Variants in JSRP1 observed in about 807,000 individuals in gnomAD.
The protein encoded by JSRP1 is junctional sarcoplasmic reticulum protein 1, also known as 2310032K21Rik.
A neutral mutation model predicts 21.4 loss-of-function variants in JSRP1; 29 were observed. The observed-to-expected ratio is 1.36, with a 90% confidence interval of 1.01 to 1.85. JSRP1 has a LOEUF of 1.85. JSRP1 is among the 40% of genes most tolerant of loss of function. The pLI, the probability that JSRP1 is intolerant of heterozygous loss-of-function variation, is 0.00. For missense variants in JSRP1, 531 were observed against 461.5 expected (o/e 1.15, Z -1.38); for synonymous variants, 221 against 206.1 (o/e 1.07, Z -0.62).
intron 5 of JSRP1, among the ~76,000 whole-genome samples, chr19:2,253,337 A>T (rs1254129578): frequency 6.6e-6 from 1 of 152,238 alleles, no homozygotes; most frequent in Non-Finnish European, 1.5e-5. Context: ...GAAAGGCGGC[A>T]GAACGCTACG....
At chr19:2,254,958 A>G (rs1479606073) in intron 2 of JSRP1, among the ~76,000 whole-genome samples, 2 of 152,102 alleles carry the variant, frequency 1.3e-5, no homozygotes, top group Admixed American at 6.6e-5. Context: ...AGCTTTGCCC[A>G]AAGACACCCA....
intron 4 of JSRP1, 25 bp downstream of exon 4, chr19:2,254,162 T>C: frequency 6.4e-7 from 1 of 1,550,918 alleles, no homozygotes; most frequent in Non-Finnish European, 8.8e-7. Context: ...ACCCCACACC[T>C]CACCCATGCC....
rs2025097174 is a variant in JSRP1 at position 2,253,570 on chromosome 19, C to A, written c.436+50G>T. ...CAGCGCCTTTCCTTGGAGGAATAGG[C>A]GCACAGGTGGACCCCAGCCTCGCCC... On this transcript the variant is annotated intron_variant, in intron 5 of 6. Coordinates refer to ENST00000300961, the MANE Select transcript of JSRP1 (RefSeq NM_144616.4). The A allele has an allele frequency of 5.0e-6, 7 of 1,387,236 alleles. No individual in the cohort carries two copies. The East Asian group carries it at 1.5e-4, about 29-fold the overall frequency. 85.9% of individuals were successfully genotyped at this position (1,387,236 alleles called of 1,614,324 possible).
In JSRP1 at chr19:2,254,188, C is replaced by A; in HGVS notation, c.261G>T (p.Ala87=). The change falls in exon 4 of 7, where the codon GCG becomes GCT. Residue 87 remains alanine, a splice_region_variant and synonymous_variant. Coordinates refer to ENST00000300961, the MANE Select transcript of JSRP1 (RefSeq NM_144616.4). ...CACCCATGCCTCCTGCAAACCCACT[C>A]GCTCCGGCTTTCAGCCTCTCCTTCC... ...GTGKERLKAG[A]SPRSVPARKK... The A allele has an allele frequency of 6.3e-7, 1 of 1,599,628 alleles. No individual in the cohort carries two copies.
At chr19:2,253,064 C>T in intron 5 of JSRP1, 61 bp from the exon 6 acceptor site, 1 of 1,159,576 alleles carries the variant, frequency 8.6e-7, no homozygotes, top group Non-Finnish European at 1.3e-6. Context: ...CACTGTCCAT[C>T]CCTCCCTCAC....
chr19:2,253,828 T>C (rs978805691), intron 4 of JSRP1, 35 bp from the exon 5 acceptor site: 7 of 1,368,242 alleles, frequency 5.1e-6, no homozygotes, highest in African/African-American at 4.6e-5. Context: ...CTGTGGTCAC[T>C]GGCTCTGTGC....
chr19:2,252,959 G>A lies in JSRP1; in HGVS notation c.481C>T (p.Pro161Ser), dbSNP rs750663047. The change falls in exon 6 of 7, where the codon CCC becomes TCC. Residue 161 changes from proline (P) to serine (S), a missense_variant. Pro to Ser is a moderately conservative substitution (Grantham distance 74). Transcript: ENST00000300961. ...GGGGCTGAGCTTGGCGGGACCCAGG[G>A]CTCGGGCACACGTGCTTGGAGTGCT... ...EAALQARVPE[P>S]WVPPSSAPRE... The A allele has an allele frequency of 5.0e-6, 8 of 1,609,618 alleles. No homozygotes were observed. In the African/African-American group the frequency reaches 5.3e-5, roughly 11 times the overall value.
At chr19:2,254,143 T>A in intron 4 of JSRP1, 44 bp downstream of exon 4, 1 of 1,442,588 alleles carries the variant, frequency 6.9e-7, no homozygotes, top group Non-Finnish European at 9.4e-7. Flanking sequence ...CTCACACCAG[T>A]CCGTTCCCAC....
At position 2,252,911 on chromosome 19, in the gene JSRP1, C is replaced by T; in HGVS notation, c.528+1G>A. Reference sequence around the variant, plus strand: ...CGCGGTCAGTGGAAGGAAGCTCTTACCAGGGGCGACGATGGCTCCCTCGGG... The same window carrying T: ...CGCGGTCAGTGGAAGGAAGCTCTTATCAGGGGCGACGATGGCTCCCTCGGG... On this transcript the variant is annotated splice_donor_variant, in intron 6 of 6. Coordinates refer to ENST00000300961, the MANE Select transcript of JSRP1 (RefSeq NM_144616.4). LOFTEE classifies it high-confidence loss of function. 1 of 1,609,286 alleles carries T rather than the reference C, an allele frequency of 6.2e-7. No individual in the cohort carries two copies. The highest frequency in any genetic ancestry group is 8.5e-7 in the Non-Finnish European group (1 of 1,178,056).
At chr19:2,253,880 G>A (rs967850504) in intron 4 of JSRP1, 87 bp from the exon 5 acceptor site, 40 of 1,308,694 alleles carry the variant, frequency 3.1e-5, no homozygotes, top group Middle Eastern at 5.6e-4. Context: ...ACAGGCCTGT[G>A]CCCTGAACCC....
chr19:2,252,946 G>T lies in JSRP1; in HGVS notation c.494C>A (p.Pro165Gln). 6.2e-7 allele frequency: 1 copy of T among 1,610,412 alleles called. No homozygotes were observed. Among genetic ancestry groups the T allele is most frequent in the Non-Finnish European group, 8.5e-7 (1 of 1,178,830 alleles). The change falls in exon 6 of 7, where the codon CCA becomes CAA. Residue 165 changes from proline to glutamine, a missense_variant. Physicochemically the swap from Pro to Gln is moderately conservative, Grantham distance 76. Transcript: ENST00000300961. ...QARVPEPWVP[P>Q]SSAPREPSSP... ...CGATGGCTCCCTCGGGGCTGAGCTT[G>T]GCGGGACCCAGGGCTCGGGCACACG...
chr19:2,253,549 G>A (rs2025096496), intron 5 of JSRP1, 71 bp downstream of exon 5: 2 of 1,339,040 alleles, frequency 1.5e-6, no homozygotes, highest in South Asian at 3.4e-5. Flanking sequence ...GCGGCACAGC[G>A]CCTTTCCTTG....
At chr19:2,253,556 C>G in intron 5 of JSRP1, 64 bp downstream of exon 5, 1 of 1,371,676 alleles carries the variant, frequency 7.3e-7, no homozygotes, top group Admixed American at 3.4e-5. Context: ...AGCGCCTTTC[C>G]TTGGAGGAAT....
Position 2,255,846 on chromosome 19 carries a change from C to T in JSRP1, c.-30-502G>A, listed in dbSNP as rs554769114. 2.0e-5 allele frequency among the ~76,000 whole-genome samples: 3 copies of T among 152,316 alleles called. No homozygotes were observed. In the South Asian group the frequency reaches 6.2e-4, roughly 32 times the overall value. ...TGCCATTCTGGGCACCCACATCCTG[C>T]TGCGTGACCCTGTGAGTCTACAGGC... On this transcript the variant is annotated intron_variant, in intron 1 of 6. Transcript: ENST00000300961.
At chr19:2,256,181 T>C (rs965461842) in intron 1 of JSRP1, among the ~76,000 whole-genome samples, 1 of 152,028 alleles carries the variant, frequency 6.6e-6, no homozygotes, top group Non-Finnish European at 1.5e-5. Context: ...CTCCAAGACC[T>C]GGAAGGGGCC....
At chr19:2,254,593 G>A in intron 2 of JSRP1, 111 bp from the exon 3 acceptor site, 3 of 1,205,976 alleles carry the variant, frequency 2.5e-6, no homozygotes, top group Non-Finnish European at 3.6e-6. Context: ...TTATAGATAA[G>A]AAAGTAGGTG....
chr19:2,254,219 C>A lies in JSRP1; in HGVS notation c.230G>T (p.Gly77Val), dbSNP rs1325773157. The change falls in exon 4 of 7, where the codon GGA (glycine) becomes GTA (valine). Residue 77 changes from glycine (G) to valine (V), a missense_variant. Physicochemically the swap from Gly to Val is moderately radical, Grantham distance 109 (BLOSUM62 -3). Coordinates refer to ENST00000300961, the MANE Select transcript of JSRP1 (RefSeq NM_144616.4). The part of the protein sequence containing the change: ...EKEPAARGTP[G>V]TGKERLKAGA... ...GGCTTTCAGCCTCTCCTTCCCCGTT[C>A]CTGGGGTCCCCCTGGCGGCAGGCTC... is the stretch of plus-strand genomic sequence containing the variant. 4.4e-6 allele frequency: 7 copies of A among 1,606,550 alleles called. No homozygotes were observed. The highest frequency in any genetic ancestry group is 5.9e-6 in the Non-Finnish European group (7 of 1,176,732).
At position 2,252,757 on chromosome 19, in the gene JSRP1, C is replaced by A. The variant is rs756957317; in HGVS notation, c.568G>T (p.Ala190Ser). Residue 190 changes from alanine to serine, a missense_variant, in exon 7 of 7, where the codon GCG becomes TCG. Coordinates refer to ENST00000300961, the MANE Select transcript of JSRP1 (RefSeq NM_144616.4). ...CTGACCTCTGCCTCGGCCCGGGGCG[C>A]AGGCGGCGCTGATGGAGGCGCCTGG... ...EAQAPPSAPP[A>S]PRAEAEVRPK... 6.2e-7 allele frequency: 1 copy of A among 1,612,454 alleles called. No individual in the cohort carries two copies. Among genetic ancestry groups the A allele is most frequent in the Non-Finnish European group, 8.5e-7 (1 of 1,179,818 alleles).
chr19:2,254,230 C>T lies in JSRP1; in HGVS notation c.219G>A (p.Arg73=), dbSNP rs1321286813. Residue 73 remains arginine (R), a synonymous_variant, in exon 4 of 7, where the codon AGG becomes AGA. Coordinates refer to ENST00000300961, the MANE Select transcript of JSRP1 (RefSeq NM_144616.4). ...PKKMEKEPAA[R]GTPGTGKERL... is the part of the protein sequence containing the mutation. The stretch of plus-strand genomic sequence containing the variant: ...TCTCCTTCCCCGTTCCTGGGGTCCC[C>T]CTGGCGGCAGGCTCTTTTTCCATCT... The T allele has an allele frequency of 1.9e-6, 3 of 1,606,408 alleles. No homozygotes were observed. The highest frequency in any genetic ancestry group is 1.3e-5 in the African/African-American group (1 of 74,590).
Sources: gnomAD v4.1 joint callset for allele counts (sites outside exome capture counted in the v4.1 genomes callset) on GRCh38, gnomAD v4.1.1 for gene constraint, MANE v1.5 for transcripts, NCBI Gene and HGNC (gene_info 2026-07-23, HGNC 2026-07-21) for gene names.